SORCS3: variants seen among roughly 807,000 people sequenced by gnomAD.
The protein encoded by SORCS3 is sortilin related VPS10 domain containing receptor 3, also known as VPS10 domain-containing receptor SorCS3.
In SORCS3, 57 loss-of-function variants were observed where a neutral mutation model predicts 146.3. The observed-to-expected ratio is 0.39, with a 90% confidence interval of 0.31 to 0.49. SORCS3 has a LOEUF of 0.49. SORCS3 is among the 20% of genes least tolerant of loss of function. SORCS3 has a pLI of 0.92. For synonymous variants in SORCS3, 653 were observed against 618.5 expected, an observed-to-expected ratio of 1.06 and a Z score of -0.83; for missense variants, 1,341 against 1,575.5, an observed-to-expected ratio of 0.85 and a Z score of 2.52.
intron 5 of SORCS3, among the ~76,000 whole-genome samples, chr10:105,075,076 C>T (rs1266493286): frequency 6.6e-6 from 1 of 152,166 alleles, no homozygotes; most frequent in Non-Finnish European, 1.5e-5. Flanking sequence ...AAGCTGTCTC[C>T]TTAATGCCCT....
At chr10:104,823,304 G>C (rs531437784) in intron 1 of SORCS3, among the ~76,000 whole-genome samples, 1 of 152,294 alleles carries the variant, frequency 6.6e-6, no homozygotes, top group Non-Finnish European at 1.5e-5. Flanking sequence ...CACTTAGATG[G>C]TCCTCCCCTA....
intron 13 of SORCS3, among the ~76,000 whole-genome samples, chr10:105,170,112 A>G (rs1254759214): frequency 6.6e-6 from 1 of 152,178 alleles, no homozygotes; most frequent in East Asian, 1.9e-4. Context: ...AGAAGAGCAT[A>G]TTTGACATGG....
rs1173321137 is a variant in SORCS3, at chr10:105,159,008, T to G, written c.1732+14T>G. 1 of 1,557,998 alleles carries G rather than the reference T, an allele frequency of 6.4e-7. No homozygotes were observed. The highest frequency in any genetic ancestry group is 1.4e-5 in the African/African-American group (1 of 73,494). On this transcript the variant is annotated intron_variant, in intron 11 of 26. Coordinates refer to ENST00000369701, the MANE Select transcript of SORCS3 (RefSeq NM_014978.3). The stretch of plus-strand genomic sequence containing the variant: ...TGGTGGCTACAGGTAAGAAAAACAT[T>G]CCCTGTGCTTCTTCCTTACTGAGAG...
intron 23 of SORCS3, 37 bp from the exon 24 acceptor site, chr10:105,255,665 G>A (rs1319327452): frequency 7.0e-7 from 1 of 1,437,562 alleles, no homozygotes; most frequent in South Asian, 1.2e-5. Flanking sequence ...ATCATTGCAT[G>A]TCATGTCACC....
At chr10:104,723,371 C>T (rs144978613) in intron 1 of SORCS3, among the ~76,000 whole-genome samples, 1,974 of 152,252 alleles carry the variant, frequency 0.013, 46 homozygotes, top group African/African-American at 0.045. Flanking sequence ...TGTTCTTTTA[C>T]ATTTGCTGAG....
intron 1 of SORCS3, among the ~76,000 whole-genome samples, chr10:104,840,643 G>C (rs75189845): frequency 6.6e-6 from 1 of 152,164 alleles, no homozygotes; most frequent in Non-Finnish European, 1.5e-5. Flanking sequence ...GGGAAAAAGC[G>C]GAGTGGTCCA....
At chr10:105,112,355 G>A (rs960239953) in intron 7 of SORCS3, among the ~76,000 whole-genome samples, 2 of 152,236 alleles carry the variant, frequency 1.3e-5, no homozygotes, top group Admixed American at 6.5e-5. Context: ...TGATGATTAG[G>A]ACGGGCTTTA....
chr10:104,834,794 G>C (rs746493066), intron 1 of SORCS3, among the ~76,000 whole-genome samples: 11 of 151,750 alleles, frequency 7.2e-5, no homozygotes, highest in Non-Finnish European at 1.6e-4. Flanking sequence ...CAAAAAGGAA[G>C]CATGCTATAC....
chr10:105,179,599 G>A (rs1026861056), intron 14 of SORCS3, among the ~76,000 whole-genome samples: 2 of 152,162 alleles, frequency 1.3e-5, no homozygotes, highest in African/African-American at 2.4e-5. Flanking sequence ...CAAGTTACCT[G>A]TTTTCACATT....
intron 3 of SORCS3, among the ~76,000 whole-genome samples, chr10:104,974,299 A>G (rs58985355): frequency 0.019 from 2,890 of 152,196 alleles, 61 homozygotes; most frequent in African/African-American, 0.056. Context: ...GTGGGGTGTT[A>G]AAGTCTCCCA....
At chr10:105,180,415 A>C (rs2056436161) in intron 14 of SORCS3, among the ~76,000 whole-genome samples, 1 of 152,262 alleles carries the variant, frequency 6.6e-6, no homozygotes, top group African/African-American at 2.4e-5. Context: ...GTAGGAAGTC[A>C]GTAATCGTTG....
At chr10:105,128,579 C>T (rs918458718) in intron 7 of SORCS3, among the ~76,000 whole-genome samples, 4 of 152,174 alleles carry the variant, frequency 2.6e-5, no homozygotes, top group African/African-American at 9.6e-5. Context: ...ACCTGTCATT[C>T]ATCCCCTGTG....
chr10:105,173,608 G>A (rs547145070), intron 13 of SORCS3, among the ~76,000 whole-genome samples: 41 of 152,150 alleles, frequency 2.7e-4, no homozygotes, highest in African/African-American at 9.9e-4. Flanking sequence ...AATCCACTTT[G>A]GGTGTTGACA....
chr10:105,208,973 T>G (rs962505385), intron 16 of SORCS3, among the ~76,000 whole-genome samples: 3 of 152,100 alleles, frequency 2.0e-5, no homozygotes, highest in Non-Finnish European at 2.9e-5. Context: ...AAGACTGATC[T>G]CAAGTTCCAC....
intron 7 of SORCS3, among the ~76,000 whole-genome samples, chr10:105,109,856 G>A (rs990316628): frequency 6.6e-6 from 1 of 151,632 alleles, no homozygotes; most frequent in Non-Finnish European, 1.5e-5. Flanking sequence ...CCTTGTGGTT[G>A]GCCATAATGT....
At chr10:104,977,107 T>C (rs1374245416) in intron 3 of SORCS3, among the ~76,000 whole-genome samples, 4 of 151,634 alleles carry the variant, frequency 2.6e-5, no homozygotes, top group East Asian at 1.9e-4. Flanking sequence ...ACATCAAAAA[T>C]GAAACCTTCT....
intron 5 of SORCS3, among the ~76,000 whole-genome samples, chr10:105,063,540 C>G (rs1393259954): frequency 6.6e-6 from 1 of 152,206 alleles, no homozygotes; most frequent in Admixed American, 6.5e-5. Flanking sequence ...TATATAACTT[C>G]AAATATAATC....
intron 3 of SORCS3, among the ~76,000 whole-genome samples, chr10:104,963,229 G>A (rs757924716): frequency 1.6e-4 from 24 of 152,218 alleles, no homozygotes; most frequent in South Asian, 4.1e-4. Context: ...TAAGAGTCTC[G>A]TTCCATATTG....
intron 3 of SORCS3, among the ~76,000 whole-genome samples, chr10:104,958,854 A>AAG (rs142577595): frequency 6.6e-6 from 1 of 151,906 alleles, no homozygotes; most frequent in Non-Finnish European, 1.5e-5. Flanking sequence ...ATGGTGGCAG[A>AAG]AGAGAGAGAG....
Sources: allele counts gnomAD v4.1 joint callset (sites outside exome capture counted in the v4.1 genomes callset), GRCh38; gene constraint gnomAD v4.1.1; transcripts MANE v1.5; gene names NCBI Gene and HGNC (gene_info 2026-07-23, HGNC 2026-07-21).